LRRFIP1: variants seen among roughly 807,000 people sequenced by gnomAD.
LRRFIP1 encodes LRR binding FLII interacting protein 1.
LRRFIP1 carries 62 observed loss-of-function variants against 104.4 expected under a neutral mutation model. That is an observed-to-expected ratio of 0.59 (90% CI 0.48 to 0.73). The LOEUF (loss-of-function observed/expected upper bound fraction) is 0.73. Among genes scored for constraint, LRRFIP1 ranks in the 30% least tolerant of loss-of-function variants. The probability of loss-of-function intolerance (pLI) is 0.00; values close to 1 mark genes in which losing one functional copy is unlikely to be tolerated. For missense variants in LRRFIP1, 796 were observed against 824.5 expected, an observed-to-expected ratio of 0.97 and a Z score of 0.42; for synonymous variants, 300 against 299.0, an observed-to-expected ratio of 1.00 and a Z score of -0.03.
rs1426933062 is a variant in LRRFIP1 at position 237,661,780 on chromosome 2, G to C, written c.96+34040G>C. On this transcript the variant is annotated intron_variant, in intron 1 of 23. Transcript: ENST00000308482. This position sits in a 1 kb window ranked among gnomAD's most constrained non-coding sequence, Gnocchi z 4.4. ...GGAAGAGAGAGGGCACTGTTTTCCT[G>C]TTTCCTGAGTCAATCCGCTGTAGTT... is the stretch of plus-strand genomic sequence containing the variant. Among the ~76,000 whole-genome samples the C allele has an allele frequency of 6.6e-6, 1 of 152,196 alleles. No homozygotes were observed. Among genetic ancestry groups the C allele is most frequent in the Non-Finnish European group, 1.5e-5 (1 of 68,034 alleles).
rs1473451762 is a variant in LRRFIP1, at chr2:237,781,027, G to A, written c.*1495G>A. ...TGGGAGACCCACACTGCACACCCGG[G>A]CACCGTATGAACAGGAAAGAGGAAG... On this transcript the variant is annotated 3_prime_UTR_variant, in exon 24 of 24. Coordinates refer to ENST00000308482, the MANE Select transcript of LRRFIP1 (RefSeq NM_001137550.2). Among the ~76,000 whole-genome samples the A allele has an allele frequency of 3.9e-5, 6 of 152,186 alleles. No homozygotes were observed. Among genetic ancestry groups the A allele is most frequent in the Admixed American group, 3.9e-4 (6 of 15,270 alleles).
At chr2:237,733,193 C>G (rs2095088427) in intron 8 of LRRFIP1, among the ~76,000 whole-genome samples, 1 of 152,214 alleles carries the variant, frequency 6.6e-6, no homozygotes, top group African/African-American at 2.4e-5. Context: ...CCAGCACTGC[C>G]TCCCCCTGAC....
At chr2:237,767,902 A>G (rs1181666246) in intron 19 of LRRFIP1, among the ~76,000 whole-genome samples, 1 of 152,224 alleles carries the variant, frequency 6.6e-6, no homozygotes, top group Admixed American at 6.5e-5. Context: ...TATGTTCAGA[A>G]TATGTACTTG....
At chr2:237,724,605 G>A (rs1488710262) in intron 7 of LRRFIP1, among the ~76,000 whole-genome samples, 4 of 152,192 alleles carry the variant, frequency 2.6e-5, no homozygotes, top group African/African-American at 7.2e-5. Flanking sequence ...ACAGAGCACT[G>A]CAAGTCGCTC....
intron 8 of LRRFIP1, chr2:237,729,984 A>ATT (rs2094929758): frequency 4.4e-6 from 1 of 228,638 alleles, no homozygotes; most frequent in Non-Finnish European, 7.2e-6. Flanking sequence ...TGTGTTATTG[A>ATT]CGTGAAAAGC....
intron 1 of LRRFIP1, among the ~76,000 whole-genome samples, chr2:237,668,949 T>C (rs1026176954): frequency 5.9e-5 from 9 of 151,984 alleles, no homozygotes; most frequent in African/African-American, 2.2e-4. Context: ...TATCTGTGAC[T>C]TTTTTTTAAC....
Position 237,780,693 on chromosome 2 carries a change from A to G in LRRFIP1, c.*1161A>G, listed in dbSNP as rs574519072. ...AACCATATCTAGTCTTAACACATGG[A>G]GAATGCTGGAGTGAGGGTTGTGAGT... is the stretch of plus-strand genomic sequence containing the variant. On this transcript the variant is annotated 3_prime_UTR_variant, in exon 24 of 24. Coordinates refer to ENST00000308482, the MANE Select transcript of LRRFIP1 (RefSeq NM_001137550.2). Among the ~76,000 whole-genome samples, 58 of 152,222 alleles carry G rather than the reference A, an allele frequency of 3.8e-4. No homozygotes were observed. The highest frequency in any genetic ancestry group is 6.6e-4 in the Non-Finnish European group (45 of 68,042).
chr2:237,776,852 T>G (rs566396209), intron 23 of LRRFIP1, among the ~76,000 whole-genome samples: 1 of 152,224 alleles, frequency 6.6e-6, no homozygotes, highest in Non-Finnish European at 1.5e-5. Context: ...GAATCTGGAA[T>G]CTGTGGATCT....
At chr2:237,641,809 G>A (rs1484611876) in intron 1 of LRRFIP1, among the ~76,000 whole-genome samples, 1 of 152,102 alleles carries the variant, frequency 6.6e-6, no homozygotes. Flanking sequence ...ACAATATATT[G>A]TACAGTTTTG....
chr2:237,757,567 G>C lies in LRRFIP1; in HGVS notation c.1224+19G>C. ...GATAGGGGTAGGATTCCCAAGTCTT[G>C]AAAATCTACTCAAATGGGCAGCCTG... On this transcript the variant is annotated intron_variant, in intron 17 of 23. Transcript: ENST00000308482. The C allele has an allele frequency of 2.6e-6, 4 of 1,530,060 alleles. No homozygotes were observed. The highest frequency in any genetic ancestry group is 3.6e-6 in the Non-Finnish European group (4 of 1,124,324). 94.8% of individuals were successfully genotyped at this position (1,530,060 alleles called of 1,614,324 possible).
At chr2:237,749,114 A>C in intron 12 of LRRFIP1, 85 bp from the exon 13 acceptor site, 1 of 1,429,008 alleles carries the variant, frequency 7.0e-7, no homozygotes, top group Non-Finnish European at 9.5e-7. Flanking sequence ...TCTTGTGGGG[A>C]TTATGGGGAT....
At chr2:237,743,469 G>A (rs2057391150) in intron 11 of LRRFIP1, among the ~76,000 whole-genome samples, 1 of 152,198 alleles carries the variant, frequency 6.6e-6, no homozygotes, top group Non-Finnish European at 1.5e-5. Context: ...AAAGCAGAGA[G>A]GGCATCAGCC....
At chr2:237,650,495 C>T (rs2085750724) in intron 1 of LRRFIP1, among the ~76,000 whole-genome samples, 1 of 148,716 alleles carries the variant, frequency 6.7e-6, no homozygotes, top group Admixed American at 6.6e-5. Context: ...GTGTGGAGGA[C>T]AGCCCTGGAT....
At position 237,717,983 on chromosome 2, in the gene LRRFIP1, C is replaced by G. The variant is rs937822082; in HGVS notation, c.249+174C>G. On this transcript the variant is annotated intron_variant, in intron 4 of 23. Coordinates refer to ENST00000308482, the MANE Select transcript of LRRFIP1 (RefSeq NM_001137550.2). This position sits in a 1 kb window ranked among gnomAD's most constrained non-coding sequence, Gnocchi z 4.2. The stretch of plus-strand genomic sequence containing the variant: ...TTCCGGGGATTTCTGCATCTGGTCT[C>G]TGTTTACATCCCCAAACGCAGCCTG... Among the ~76,000 whole-genome samples, 3 of 152,238 alleles carry G rather than the reference C, an allele frequency of 2.0e-5. No homozygotes were observed. The highest frequency in any genetic ancestry group is 4.4e-5 in the Non-Finnish European group (3 of 68,042).
chr2:237,767,174 T>C (rs1343020113), intron 19 of LRRFIP1, among the ~76,000 whole-genome samples: 2 of 151,022 alleles, frequency 1.3e-5, no homozygotes, highest in East Asian at 1.9e-4. Flanking sequence ...AAACCCTGTC[T>C]CAAAAAAAAA....
intron 1 of LRRFIP1, among the ~76,000 whole-genome samples, chr2:237,706,698 G>T (rs919147179): frequency 6.6e-6 from 1 of 152,182 alleles, no homozygotes; most frequent in Non-Finnish European, 1.5e-5. Context: ...CACAATCACA[G>T]CTCACTACAG....
intron 1 of LRRFIP1, chr2:237,692,242 C>T (rs1470936211): frequency 1.9e-5 from 21 of 1,125,378 alleles, no homozygotes; most frequent in Middle Eastern, 7.5e-4. Context: ...CCGCGGCCAC[C>T]TGCGCCCCGC....
At chr2:237,681,983 A>G (rs2091896988) in intron 1 of LRRFIP1, among the ~76,000 whole-genome samples, 1 of 152,134 alleles carries the variant, frequency 6.6e-6, no homozygotes, top group Non-Finnish European at 1.5e-5. Flanking sequence ...TAAGAACTCC[A>G]CAAGCTTGGC....
intron 16 of LRRFIP1, among the ~76,000 whole-genome samples, chr2:237,756,523 A>G (rs2059284473): frequency 6.6e-6 from 1 of 152,216 alleles, no homozygotes; most frequent in Admixed American, 6.5e-5. Flanking sequence ...AACCTTAATT[A>G]CTTCGTAAAA....
Sources: gnomAD v4.1 joint callset for allele counts (sites outside exome capture counted in the v4.1 genomes callset) on GRCh38, gnomAD v4.1.1 for gene constraint, Gnocchi (gnomAD v3.1) non-coding constraint, MANE v1.5 for transcripts, NCBI Gene and HGNC (gene_info 2026-07-23, HGNC 2026-07-21) for gene names.